The following NUP37 variants were observed in gnomAD, a reference collection of about 807,000 sequenced individuals.
NUP37 encodes nucleoporin 37, also known as nucleoporin Nup37.
Under a neutral mutation model 45.4 loss-of-function variants are expected in NUP37, and 33 were observed. The observed-to-expected ratio is 0.73, with a 90% CI of 0.55 to 0.97. The LOEUF (loss-of-function observed/expected upper bound fraction) is 0.97. NUP37 is among the 50% of genes least tolerant of loss of function. The pLI, the probability that NUP37 is intolerant of heterozygous loss-of-function variation, is 0.00. For synonymous variants in NUP37, 127 were observed against 130.7 expected, an observed-to-expected ratio of 0.97 and a Z score of 0.19; for missense variants, 365 against 389.7, an observed-to-expected ratio of 0.94 and a Z score of 0.53.
intron 5 of NUP37, among the ~76,000 whole-genome samples, chr12:102,087,701 A>G (rs1196571656): frequency 6.6e-6 from 1 of 152,226 alleles, no homozygotes; most frequent in Non-Finnish European, 1.5e-5. Flanking sequence ...TTGAAAATTC[A>G]GCAAGTCCCA....
intron 6 of NUP37, among the ~76,000 whole-genome samples, chr12:102,077,871 C>T (rs1176191840): frequency 6.6e-6 from 1 of 152,032 alleles, no homozygotes; most frequent in African/African-American, 2.4e-5. Context: ...GCAAATATTA[C>T]AAAATGCAAA....
chr12:102,103,862 C>T (rs55837493), intron 3 of NUP37, among the ~76,000 whole-genome samples: 3,636 of 152,152 alleles, frequency 0.024, 55 homozygotes, highest in Middle Eastern at 0.065. Context: ...CAAAATGTTC[C>T]GCATCACAAT....
chr12:102,084,656 T>C (rs574630450), intron 6 of NUP37, among the ~76,000 whole-genome samples: 23 of 151,226 alleles, frequency 1.5e-4, no homozygotes, highest in African/African-American at 5.3e-4. Flanking sequence ...AGATTAAAGG[T>C]TGGTTAATTG....
intron 5 of NUP37, among the ~76,000 whole-genome samples, chr12:102,095,977 G>A (rs988619329): frequency 6.6e-6 from 1 of 151,894 alleles, no homozygotes; most frequent in African/African-American, 2.4e-5. Flanking sequence ...TTATTTTTCT[G>A]ATATCCAGTC....
At chr12:102,079,228 A>G (rs1879266186) in intron 6 of NUP37, 1 of 455,884 alleles carries the variant, frequency 2.2e-6, no homozygotes, top group Non-Finnish European at 4.4e-6. Flanking sequence ...TGTAAAATGG[A>G]GGATAATTAT....
At chr12:102,091,192 T>C (rs1290548446) in intron 5 of NUP37, among the ~76,000 whole-genome samples, 2 of 150,534 alleles carry the variant, frequency 1.3e-5, no homozygotes, top group Non-Finnish European at 3.0e-5. Context: ...AGGTCAGGAG[T>C]TCGAGACCAG....
intron 2 of NUP37, among the ~76,000 whole-genome samples, chr12:102,113,133 C>T (rs931219183): frequency 2.6e-4 from 40 of 152,162 alleles, no homozygotes; most frequent in African/African-American, 8.7e-4. Flanking sequence ...AATTCAAATA[C>T]AGACAAGCAA....
chr12:102,093,380 CA>C (rs1248438506), intron 5 of NUP37, among the ~76,000 whole-genome samples: 22 of 152,000 alleles, frequency 1.4e-4, no homozygotes, highest in Admixed American at 1.4e-3. Flanking sequence ...GAGGCTGTCT[CA>C]GAGGAGAATT....
chr12:102,112,449 T>C (rs1031924318), intron 2 of NUP37, among the ~76,000 whole-genome samples: 1 of 152,140 alleles, frequency 6.6e-6, no homozygotes, highest in African/African-American at 2.4e-5. Context: ...TAGAAACAAA[T>C]GGTAAACATG....
chr12:102,100,553 A>G (rs368216437), intron 4 of NUP37, among the ~76,000 whole-genome samples: 135 of 152,292 alleles, frequency 8.9e-4, no homozygotes, highest in Middle Eastern at 3.4e-3. Flanking sequence ...TATTAGCACA[A>G]AGAGATTAGG....
intron 3 of NUP37, among the ~76,000 whole-genome samples, chr12:102,102,648 T>C (rs1177133638): frequency 6.6e-6 from 1 of 152,224 alleles, no homozygotes; most frequent in African/African-American, 2.4e-5. Context: ...CCTGTGCTTT[T>C]AGGGTCAGAT....
At chr12:102,112,427 C>T (rs1223959476) in intron 2 of NUP37, among the ~76,000 whole-genome samples, 195 bp from the exon 3 acceptor site, 2 of 152,130 alleles carry the variant, frequency 1.3e-5, no homozygotes, top group East Asian at 1.9e-4. Flanking sequence ...CAAAATAACT[C>T]TCTAAGGCAA....
chr12:102,076,787 G>A lies in NUP37; in HGVS notation c.773+10C>T, dbSNP rs140080767. On this transcript the variant is annotated intron_variant, in intron 8 of 9. Transcript: ENST00000552283. Reference sequence around the variant, plus strand: ...ATCAAATCACAGCTCCAACAAAAACGGTACATTACCTGAATAAGCAGGCTC... The same window carrying A: ...ATCAAATCACAGCTCCAACAAAAACAGTACATTACCTGAATAAGCAGGCTC... The A allele has an allele frequency of 1.9e-5, 31 of 1,611,044 alleles. No homozygotes were observed. The East Asian group carries it at 3.8e-4, about 20-fold the overall frequency.
chr12:102,110,298 G>A (rs563406260), intron 3 of NUP37, among the ~76,000 whole-genome samples: 40 of 152,056 alleles, frequency 2.6e-4, no homozygotes, highest in African/African-American at 8.4e-4. Context: ...CTGGGTGCTC[G>A]AGACCAGCCT....
intron 5 of NUP37, among the ~76,000 whole-genome samples, chr12:102,094,513 G>A (rs1177852141): frequency 6.6e-6 from 1 of 151,004 alleles, no homozygotes; most frequent in Non-Finnish European, 1.5e-5. Context: ...GGTGGGGGTG[G>A]AGGAAGAACA....
intron 2 of NUP37, among the ~76,000 whole-genome samples, chr12:102,114,954 T>C (rs759227294): frequency 6.6e-6 from 1 of 152,234 alleles, no homozygotes; most frequent in African/African-American, 2.4e-5. Context: ...TCAGTCTAAC[T>C]TAATGATGAC....
intron 5 of NUP37, among the ~76,000 whole-genome samples, chr12:102,098,837 T>C (rs1879889487): frequency 6.6e-6 from 1 of 152,162 alleles, no homozygotes; most frequent in Admixed American, 6.5e-5. Context: ...CAGTCCAATA[T>C]AGATTTGGAT....
At position 102,077,216 on chromosome 12, in the gene NUP37, C is replaced by T. The variant is rs745633246; in HGVS notation, c.722+106G>A. On this transcript the variant is annotated intron_variant, in intron 7 of 9. Coordinates refer to ENST00000552283, the MANE Select transcript of NUP37 (RefSeq NM_024057.4). The stretch of plus-strand genomic sequence containing the variant: ...GCCTTCTATAGGAAAGACTTGCTTT[C>T]GCTTGACAGCATAGTCTCAGGTATA... The T allele has an allele frequency of 5.2e-5, 61 of 1,172,856 alleles. 1 individual carries two copies. The highest frequency in any genetic ancestry group is 8.8e-5 in the Admixed American group (5 of 57,074). The allele number at this position is 1,172,856 out of a possible 1,614,324, so 72.7% of individuals were successfully genotyped here. A position where few individuals can be genotyped will look rare whatever the true frequency, so the allele number is the denominator to read the frequency against.
intron 2 of NUP37, among the ~76,000 whole-genome samples, chr12:102,112,513 T>C (rs1880345817): frequency 6.6e-6 from 1 of 152,204 alleles, no homozygotes; most frequent in African/African-American, 2.4e-5. Context: ...AATGGACTGC[T>C]TGGTCAGGCG....
Sources: gnomAD v4.1 joint callset for allele counts (sites outside exome capture counted in the v4.1 genomes callset) on GRCh38, gnomAD v4.1.1 for gene constraint, MANE v1.5 for transcripts, NCBI Gene and HGNC (gene_info 2026-07-23, HGNC 2026-07-21) for gene names.